Variants in CCSER1 observed in about 807,000 individuals in gnomAD.
The protein encoded by CCSER1 is serine-rich coiled-coil domain-containing protein 1.
A neutral mutation model predicts 82.0 loss-of-function variants in CCSER1; 41 were observed. That is an observed-to-expected ratio of 0.50 (90% CI 0.39 to 0.65). The LOEUF (loss-of-function observed/expected upper bound fraction) is 0.65. Ranked by LOEUF, CCSER1 falls within the 30% of genes least tolerant of loss-of-function variation. The pLI is 0.00. For missense variants in CCSER1, 1,119 were observed against 1,064.2 expected, an observed-to-expected ratio of 1.05 and a Z score of -0.72; for synonymous variants, 414 against 383.9, an observed-to-expected ratio of 1.08 and a Z score of -0.92.
At chr4:90,886,731 A>G (rs1381148027) in intron 8 of CCSER1, among the ~76,000 whole-genome samples, 2 of 152,196 alleles carry the variant, frequency 1.3e-5, no homozygotes, top group Non-Finnish European at 2.9e-5. Flanking sequence ...AACTTGCCTG[A>G]GGTTGCCTGA....
intron 5 of CCSER1, among the ~76,000 whole-genome samples, chr4:90,607,001 T>A (rs921080066): frequency 6.6e-6 from 1 of 152,182 alleles, no homozygotes; most frequent in African/African-American, 2.4e-5. Context: ...GTTGATGAAA[T>A]TAAGGATTCC....
intron 10 of CCSER1, among the ~76,000 whole-genome samples, chr4:91,253,387 A>C (rs1243328698): frequency 6.6e-6 from 1 of 152,134 alleles, no homozygotes; most frequent in African/African-American, 2.4e-5. Context: ...CTATTAGTTA[A>C]GTGTGTGGGG....
chr4:91,206,503 A>G (rs1342550392), intron 10 of CCSER1, among the ~76,000 whole-genome samples: 1 of 151,902 alleles, frequency 6.6e-6, no homozygotes. Flanking sequence ...ATATTTGTTT[A>G]TTTTTCAAAA....
At chr4:90,817,715 A>G (rs1194641190) in intron 8 of CCSER1, among the ~76,000 whole-genome samples, 2 of 152,180 alleles carry the variant, frequency 1.3e-5, no homozygotes, top group Admixed American at 1.3e-4. Context: ...TGGTGATTCA[A>G]GAATTTTACT....
chr4:90,295,949 T>G (rs1163278681), intron 1 of CCSER1, among the ~76,000 whole-genome samples: 4 of 152,068 alleles, frequency 2.6e-5, no homozygotes, highest in Non-Finnish European at 5.9e-5. Context: ...GATGACATTT[T>G]TTTTGAAATC....
At chr4:90,177,758 T>C (rs1732975198) in intron 1 of CCSER1, among the ~76,000 whole-genome samples, 1 of 152,052 alleles carries the variant, frequency 6.6e-6, no homozygotes. Flanking sequence ...GTATACAAAA[T>C]GCCTAAACCA....
chr4:91,479,828 G>C (rs1009329769), intron 10 of CCSER1, among the ~76,000 whole-genome samples: 1 of 143,302 alleles, frequency 7.0e-6, no homozygotes, highest in African/African-American at 2.6e-5. Context: ...TGCCATGCTG[G>C]TGCGCTGCAC....
intron 10 of CCSER1, among the ~76,000 whole-genome samples, chr4:91,261,857 T>A (rs1741208314): frequency 6.6e-6 from 1 of 152,206 alleles, no homozygotes; most frequent in Non-Finnish European, 1.5e-5. Flanking sequence ...ATATGTCCAT[T>A]TTTTGTACCT....
intron 5 of CCSER1, among the ~76,000 whole-genome samples, chr4:90,559,337 G>A (rs1398422078): frequency 6.6e-6 from 1 of 152,108 alleles, no homozygotes; most frequent in South Asian, 2.1e-4. Flanking sequence ...TGTAGAAGGG[G>A]AAAAGGCAGG....
intron 3 of CCSER1, among the ~76,000 whole-genome samples, chr4:90,367,046 A>G (rs1054316516): frequency 3.9e-5 from 6 of 151,924 alleles, no homozygotes; most frequent in Non-Finnish European, 7.4e-5. Flanking sequence ...ACATGCGCTC[A>G]TTGGAATGAT....
At chr4:90,927,433 G>A (rs150417598) in intron 9 of CCSER1, among the ~76,000 whole-genome samples, 1 of 151,890 alleles carries the variant, frequency 6.6e-6, no homozygotes, top group Non-Finnish European at 1.5e-5. Flanking sequence ...ATTAATTACT[G>A]TTAGTTTAAA....
intron 5 of CCSER1, among the ~76,000 whole-genome samples, chr4:90,598,584 T>C (rs931211174): frequency 6.6e-6 from 1 of 152,226 alleles, no homozygotes; most frequent in Admixed American, 6.5e-5. Context: ...CTTTATTATA[T>C]ATTTGTTGGC....
At chr4:91,136,029 G>A (rs1405435330) in intron 10 of CCSER1, among the ~76,000 whole-genome samples, 1 of 152,124 alleles carries the variant, frequency 6.6e-6, no homozygotes, top group Non-Finnish European at 1.5e-5. Context: ...ACGTACAAAA[G>A]TATGTGGTGT....
At chr4:91,394,132 C>A (rs1005315540) in intron 10 of CCSER1, among the ~76,000 whole-genome samples, 3 of 151,944 alleles carry the variant, frequency 2.0e-5, no homozygotes, top group Admixed American at 2.0e-4. Context: ...CTGCTTGTTG[C>A]CAGTAATTCA....
intron 1 of CCSER1, among the ~76,000 whole-genome samples, chr4:90,211,217 A>C (rs1331480884): frequency 6.6e-6 from 1 of 152,258 alleles, no homozygotes; most frequent in South Asian, 2.1e-4. Context: ...CAACAAGATC[A>C]GCAGATCTTC....
At chr4:90,316,120 T>C (rs573932831) in intron 3 of CCSER1, among the ~76,000 whole-genome samples, 1 of 152,346 alleles carries the variant, frequency 6.6e-6, no homozygotes, top group Admixed American at 6.5e-5. Context: ...CTGACATGTA[T>C]TATCACATTC....
intron 4 of CCSER1, among the ~76,000 whole-genome samples, chr4:90,437,638 TG>T (rs532489023): frequency 5.6e-4 from 85 of 152,284 alleles, no homozygotes; most frequent in Middle Eastern, 3.4e-3. Context: ...TCATGTTGTT[TG>T]GTTGGTACCT....
chr4:91,116,942 TTACTA>T (rs1448292855), intron 10 of CCSER1, among the ~76,000 whole-genome samples: 3 of 152,192 alleles, frequency 2.0e-5, no homozygotes, highest in Non-Finnish European at 2.9e-5. Flanking sequence ...GTAGGCTACT[TTACTA>T]GTCAAATTTT....
At chr4:91,238,595 T>G (rs143551710) in intron 10 of CCSER1, among the ~76,000 whole-genome samples, 27 of 152,292 alleles carry the variant, frequency 1.8e-4, no homozygotes, top group Middle Eastern at 6.8e-3. Context: ...TCTCTTAGTG[T>G]CTTTGTTTAT....
Sources: allele counts gnomAD v4.1 joint callset (sites outside exome capture counted in the v4.1 genomes callset), GRCh38; gene constraint gnomAD v4.1.1; transcripts MANE v1.5; gene names NCBI Gene and HGNC (gene_info 2026-07-23, HGNC 2026-07-21).